The following BRIP1 variants were observed in gnomAD, a reference collection of about 807,000 sequenced individuals.
BRIP1 encodes Fanconi anemia group J protein.
Under a neutral mutation model 119.7 loss-of-function variants are expected in BRIP1, and 88 were observed. That is an observed-to-expected ratio of 0.74 (90% confidence interval 0.62 to 0.88). The LOEUF (loss-of-function observed/expected upper bound fraction) is 0.88. BRIP1 is among the 40% of genes least tolerant of loss of function. The pLI, the probability that BRIP1 is intolerant of heterozygous loss-of-function variation, is 0.00. For missense variants in BRIP1, 1,259 were observed against 1,455.4 expected (o/e 0.87, Z 2.20); for synonymous variants, 443 against 496.5 (o/e 0.89, Z 1.43).
intron 14 of BRIP1, among the ~76,000 whole-genome samples, chr17:61,765,399 A>ATT (rs2077346764): frequency 9.2e-4 from 11 of 11,944 alleles, no homozygotes. Flanking sequence ...ATATATATAT[A>ATT]TATATATATA....
Position 61,815,799 on chromosome 17 carries a change from T to G in BRIP1, c.628-7042A>C, listed in dbSNP as rs1019509568. The stretch of plus-strand genomic sequence containing the variant: ...CCTTTATTTCAAAAAGTCATGCATA[T>G]GAAGAGCTAGTGGTAAAAGGCCAAT... On this transcript the variant is annotated intron_variant, in intron 6 of 19. Transcript: ENST00000259008. This position sits in a 1 kb window ranked among gnomAD's most constrained non-coding sequence, Gnocchi z 4.1. Among the ~76,000 whole-genome samples, 2 of 152,142 alleles carry G rather than the reference T, an allele frequency of 1.3e-5. No homozygotes were observed. The highest frequency in any genetic ancestry group is 4.8e-5 in the African/African-American group (2 of 41,430).
intron 10 of BRIP1, among the ~76,000 whole-genome samples, chr17:61,786,808 T>C (rs1169520527): frequency 1.5e-5 from 2 of 130,598 alleles, no homozygotes; most frequent in African/African-American, 5.7e-5. Context: ...TATATATTTA[T>C]ATATTTTATA....
Position 61,758,803 on chromosome 17 carries a change from G to C in BRIP1, c.2098-14212C>G, listed in dbSNP as rs374454134. Among the ~76,000 whole-genome samples, 7 of 150,650 alleles carry C rather than the reference G, an allele frequency of 4.6e-5. No individual in the cohort carries two copies. In the South Asian group the frequency reaches 8.4e-4, roughly 18 times the overall value. On this transcript the variant is annotated intron_variant, in intron 14 of 19. Transcript: ENST00000259008. The surrounding 1 kb of genome is among the most constrained non-coding windows in gnomAD (Gnocchi z 5.3). Reference sequence around the variant, plus strand: ...GGATTGCTTGAAGCCAGGAGTTTAAGACCAGTGTGGGCAAAACAGCAAGAC... The same window carrying C: ...GGATTGCTTGAAGCCAGGAGTTTAACACCAGTGTGGGCAAAACAGCAAGAC...
rs1042169773 is a variant in BRIP1 at position 61,805,938 on chromosome 17, G to A, written c.918+2529C>T. Among the ~76,000 whole-genome samples the A allele has an allele frequency of 6.6e-6, 1 of 152,098 alleles. No individual in the cohort carries two copies. Among genetic ancestry groups the A allele is most frequent in the Non-Finnish European group, 1.5e-5 (1 of 68,004 alleles). The stretch of plus-strand genomic sequence containing the variant: ...ATAATATTTCAGAATTGTCATTCCT[G>A]ACTCTAGTTAAAATTATTTTTTCTT... On this transcript the variant is annotated intron_variant, in intron 7 of 19. Coordinates refer to ENST00000259008, the MANE Select transcript of BRIP1 (RefSeq NM_032043.3). This position sits in a 1 kb window ranked among gnomAD's most constrained non-coding sequence, Gnocchi z 5.6.
At chr17:61,850,408 A>G (rs1256839794) in intron 4 of BRIP1, among the ~76,000 whole-genome samples, 1 of 151,920 alleles carries the variant, frequency 6.6e-6, no homozygotes, top group Admixed American at 6.6e-5. Context: ...GCCAACAATC[A>G]TTTATTACAC....
At chr17:61,765,283 A>G (rs2077334814) in intron 14 of BRIP1, among the ~76,000 whole-genome samples, 1 of 146,126 alleles carries the variant, frequency 6.8e-6, no homozygotes, top group East Asian at 2.0e-4. Flanking sequence ...TTCTCCCTAG[A>G]TTTTTCACTT....
intron 6 of BRIP1, among the ~76,000 whole-genome samples, chr17:61,829,938 T>C (rs962322098): frequency 5.9e-5 from 9 of 151,988 alleles, no homozygotes; most frequent in Non-Finnish European, 2.9e-5. Context: ...CTTTTTTTTT[T>C]TCTTTTTTTT....
rs567797791 is a variant in BRIP1, at chr17:61,713,524, A to ATT, written c.2492+2425_2492+2426dup. On this transcript the variant is annotated intron_variant, in intron 17 of 19. Transcript: ENST00000259008. This position sits in a 1 kb window ranked among gnomAD's most constrained non-coding sequence, Gnocchi z 4.9. ...ATACTACATGAGTGTTTATGTCTTC[A>ATT]TTTTTTTTTTTTTTTGAGATGGAGT... 3.5e-5 allele frequency among the ~76,000 whole-genome samples: 5 copies of ATT among 142,240 alleles called. No individual in the cohort carries two copies. The highest frequency in any genetic ancestry group is 2.6e-5 in the African/African-American group (1 of 38,734). The allele number at this position is 142,240 out of a possible 152,430, so 93.3% of individuals were successfully genotyped here.
intron 6 of BRIP1, among the ~76,000 whole-genome samples, chr17:61,818,376 C>T (rs538455035): frequency 3.0e-4 from 46 of 152,072 alleles, no homozygotes; most frequent in Non-Finnish European, 5.7e-4. Context: ...TAACACATAT[C>T]CAAAGACACT....
In BRIP1 at chr17:61,808,243, T is replaced by C. The variant is rs1478691783; in HGVS notation, c.918+224A>G. Among the ~76,000 whole-genome samples, 2 of 152,172 alleles carry C rather than the reference T, an allele frequency of 1.3e-5. No individual in the cohort carries two copies. The highest frequency in any genetic ancestry group is 6.5e-5 in the Admixed American group (1 of 15,278). On this transcript the variant is annotated intron_variant, in intron 7 of 19. Transcript: ENST00000259008. The surrounding 1 kb of genome is among the most constrained non-coding windows in gnomAD (Gnocchi z 4.1). The stretch of plus-strand genomic sequence containing the variant: ...GATGTCTGACTACAACAGAAATTAA[T>C]TTCAAGGAATTAAATATCCCAAGCT...
intron 6 of BRIP1, among the ~76,000 whole-genome samples, chr17:61,829,488 T>C (rs551341068): frequency 2.3e-5 from 3 of 132,138 alleles, no homozygotes; most frequent in Non-Finnish European, 5.2e-5. Context: ...ATTCTCTAAT[T>C]AATTTATAAG....
rs2078245680 is a variant in BRIP1, at chr17:61,816,923, A to G, written c.628-8166T>C. On this transcript the variant is annotated intron_variant, in intron 6 of 19. Transcript: ENST00000259008. The surrounding 1 kb of genome is among the most constrained non-coding windows in gnomAD (Gnocchi z 5.0). Reference sequence around the variant, plus strand: ...ACTAACTGATTCAGGCAAGTTACATAAATGGATGCTGAAATCTTTCAGTGA... The same window carrying G: ...ACTAACTGATTCAGGCAAGTTACATGAATGGATGCTGAAATCTTTCAGTGA... Among the ~76,000 whole-genome samples, 1 of 152,236 alleles carries G rather than the reference A, an allele frequency of 6.6e-6. No homozygotes were observed. Among genetic ancestry groups the G allele is most frequent in the East Asian group, 1.9e-4 (1 of 5,204 alleles).
At position 61,687,782 on chromosome 17, in the gene BRIP1, G is replaced by T. The variant is rs1603277627; in HGVS notation, c.2576-1617C>A. Reference sequence around the variant, plus strand: ...GCATCAAAGCGGTAGGAAAATTTGTGGCACCCTCTTGTCATGATCCCCACT... The same window carrying T: ...GCATCAAAGCGGTAGGAAAATTTGTTGCACCCTCTTGTCATGATCCCCACT... On this transcript the variant is annotated intron_variant, in intron 18 of 19. Transcript: ENST00000259008. The surrounding 1 kb of genome is among the most constrained non-coding windows in gnomAD (Gnocchi z 5.1). Among the ~76,000 whole-genome samples the T allele has an allele frequency of 6.6e-6, 1 of 152,196 alleles. No individual in the cohort carries two copies. The highest frequency in any genetic ancestry group is 1.9e-4 in the East Asian group (1 of 5,176).
rs979008522 is a variant in BRIP1, at chr17:61,748,911, G to A, written c.2098-4320C>T. ...CCAGCACTTTGGGAGGCCAAGGCGG[G>A]CAGATCACGAGGTCAGGAGATTGAG... On this transcript the variant is annotated intron_variant, in intron 14 of 19. Coordinates refer to ENST00000259008, the MANE Select transcript of BRIP1 (RefSeq NM_032043.3). The surrounding 1 kb of genome is among the most constrained non-coding windows in gnomAD (Gnocchi z 4.7). Among the ~76,000 whole-genome samples the A allele has an allele frequency of 6.6e-6, 1 of 152,214 alleles. No homozygotes were observed. The highest frequency in any genetic ancestry group is 1.5e-5 in the Non-Finnish European group (1 of 68,040).
rs151003420 is a variant in BRIP1 at position 61,822,486 on chromosome 17, A to G, written c.628-13729T>C. Among the ~76,000 whole-genome samples the G allele has an allele frequency of 3.7e-3, 568 of 152,266 alleles. 2 individuals carry two copies. The highest frequency in any genetic ancestry group is 0.012 in the African/African-American group (517 of 41,552). ...AAAAATGCACCAAAAAGCGCCAAGG[A>G]AGAAAGGGAACTGGACAGACTATCC... On this transcript the variant is annotated intron_variant, in intron 6 of 19. Coordinates refer to ENST00000259008, the MANE Select transcript of BRIP1 (RefSeq NM_032043.3). This position sits in a 1 kb window ranked among gnomAD's most constrained non-coding sequence, Gnocchi z 4.4.
At chr17:61,685,658 C>T in intron 19 of BRIP1, 178 bp downstream of exon 19, 1 of 619,124 alleles carries the variant, frequency 1.6e-6, no homozygotes, top group Non-Finnish European at 2.7e-6. Flanking sequence ...ATGCTCTGGT[C>T]TCCTGACAAA....
Position 61,735,450 on chromosome 17 carries a change from A to G in BRIP1, c.2379+7563T>C, listed in dbSNP as rs996056512. Among the ~76,000 whole-genome samples the G allele has an allele frequency of 6.6e-6, 1 of 152,116 alleles. No homozygotes were observed. Among genetic ancestry groups the G allele is most frequent in the African/African-American group, 2.4e-5 (1 of 41,404 alleles). On this transcript the variant is annotated intron_variant, in intron 16 of 19. Transcript: ENST00000259008. This position sits in a 1 kb window ranked among gnomAD's most constrained non-coding sequence, Gnocchi z 4.4. ...TGTCATGATACGAGGGGGCTTGTGA[A>G]AAGGCCACATGGCAAGAAACTGTGA... is the stretch of plus-strand genomic sequence containing the variant.
chr17:61,686,050 CT>C lies in BRIP1; in HGVS notation c.2690del (p.Lys897ArgfsTer15), dbSNP rs2061358219. ...KHQKVLNVSI[K>X]DRTNIQDNES... ...CATTGTCCTGTATATTGGTTCTGTC[CT>C]TTATGGATACATTAAGAACTTTTTG... On this transcript the variant is annotated frameshift_variant, in exon 19 of 20. Coordinates refer to ENST00000259008, the MANE Select transcript of BRIP1 (RefSeq NM_032043.3). LOFTEE classifies it high-confidence loss of function. This position sits in a 1 kb window ranked among gnomAD's most constrained non-coding sequence, Gnocchi z 5.4. 6.2e-7 allele frequency: 1 copy of C among 1,613,814 alleles called. No homozygotes were observed. Among genetic ancestry groups the C allele is most frequent in the Non-Finnish European group, 8.5e-7 (1 of 1,179,860 alleles).
rs111519368 is a variant in BRIP1, at chr17:61,683,130, C to CA, written c.*165dup. On this transcript the variant is annotated 3_prime_UTR_variant, in exon 20 of 20. Coordinates refer to ENST00000259008, the MANE Select transcript of BRIP1 (RefSeq NM_032043.3). The surrounding 1 kb of genome is among the most constrained non-coding windows in gnomAD (Gnocchi z 4.7). ...TGGGCAACAGACCAAGACTCTGTCT[C>CA]AAAAAAAAAAACCCAAAAACTCAAG... 15,592 of 725,190 alleles carry CA rather than the reference C, an allele frequency of 0.022. 1 individual carries two copies. Among genetic ancestry groups the CA allele is most frequent in the South Asian group, 0.034 (1,392 of 40,572 alleles). 44.9% of individuals were successfully genotyped at this position (725,190 alleles called of 1,614,324 possible). A position where few individuals can be genotyped will look rare whatever the true frequency, so the allele number is the denominator to read the frequency against.
Sources: gnomAD v4.1 joint callset for allele counts (sites outside exome capture counted in the v4.1 genomes callset) on GRCh38, gnomAD v4.1.1 for gene constraint, Gnocchi (gnomAD v3.1) non-coding constraint, MANE v1.5 for transcripts, NCBI Gene and HGNC (gene_info 2026-07-23, HGNC 2026-07-21) for gene names.